Variants in RYR3 observed in about 807,000 individuals in gnomAD.
RYR3 encodes brain ryanodine receptor-calcium release channel.
A neutral mutation model predicts 584.3 loss-of-function variants in RYR3; 207 were observed. That is an observed-to-expected ratio of 0.35 (90% CI 0.32 to 0.40). The LOEUF (loss-of-function observed/expected upper bound fraction) is 0.40, where lower values mean the gene tolerates loss of function less well. Among genes scored for constraint, RYR3 ranks in the 10% least tolerant of loss-of-function variants. The pLI is 1.00. For synonymous variants in RYR3, 2,416 were observed against 2,248.5 expected (o/e 1.07, Z -2.11); for missense variants, 5,616 against 6,089.2 (o/e 0.92, Z 2.59).
At chr15:33,567,610 A>G (rs2057784272) in intron 12 of RYR3, among the ~76,000 whole-genome samples, 3 of 152,212 alleles carry the variant, frequency 2.0e-5, no homozygotes, top group Admixed American at 2.0e-4. Context: ...AATATAAAGT[A>G]GGTAGGTGGT....
chr15:33,322,730 T>A (rs1029777912), intron 1 of RYR3, among the ~76,000 whole-genome samples: 2 of 152,072 alleles, frequency 1.3e-5, no homozygotes, highest in Non-Finnish European at 1.5e-5. Context: ...CAACTTTTTT[T>A]CCACTGAATG....
intron 94 of RYR3, 73 bp from the exon 95 acceptor site, chr15:33,852,972 A>AGAT: frequency 7.5e-7 from 1 of 1,328,808 alleles, no homozygotes; most frequent in Non-Finnish European, 1.1e-6. Flanking sequence ...AGGCACTCAA[A>AGAT]CTGAAACGTT....
At chr15:33,854,484 C>A (rs757433632) in intron 97 of RYR3, 35 bp downstream of exon 97, 4 of 1,512,822 alleles carry the variant, frequency 2.6e-6, no homozygotes, top group East Asian at 4.8e-5. Flanking sequence ...AAATTCTATA[C>A]CCCAGTTCAG....
At chr15:33,559,480 C>T (rs368351561) in intron 10 of RYR3, among the ~76,000 whole-genome samples, 4 of 152,174 alleles carry the variant, frequency 2.6e-5, no homozygotes, top group East Asian at 1.9e-4. Context: ...AGACAAGGGG[C>T]AGAAGCAAGG....
chr15:33,813,415 T>C, intron 73 of RYR3, 52 bp from the exon 74 acceptor site: 1 of 1,503,102 alleles, frequency 6.7e-7, no homozygotes, highest in Non-Finnish European at 9.2e-7. Context: ...GACTAGCTTC[T>C]GCCACCAGAA....
At chr15:33,814,900 C>A (rs1342978082) in intron 74 of RYR3, among the ~76,000 whole-genome samples, 93 of 91,718 alleles carry the variant, frequency 1.0e-3, no homozygotes, top group Admixed American at 1.2e-3. Flanking sequence ...GACTCTGTCT[C>A]AAAAAAAAAA....
rs28621369 is a variant in RYR3, at chr15:33,821,262, C to T, written c.10816-8C>T. 6.3e-7 allele frequency: 1 copy of T among 1,576,578 alleles called. No homozygotes were observed. The highest frequency in any genetic ancestry group is 8.6e-7 in the Non-Finnish European group (1 of 1,159,238). ...CCAATCTTTCCCTGTGATTTTTTTT[C>T]CCCCCAGGAGAAAGAGATGGAGAAG... On this transcript the variant is annotated splice_polypyrimidine_tract_variant and splice_region_variant and intron_variant, in intron 78 of 103. Coordinates refer to ENST00000634891, the MANE Select transcript of RYR3 (RefSeq NM_001036.6).
At chr15:33,590,774 C>T (rs1172547335) in intron 16 of RYR3, among the ~76,000 whole-genome samples, 2 of 151,720 alleles carry the variant, frequency 1.3e-5, no homozygotes, top group East Asian at 3.9e-4. Context: ...TGACATTTTT[C>T]CTTTAAATAT....
intron 27 of RYR3, among the ~76,000 whole-genome samples, chr15:33,638,093 A>G (rs2061597157): frequency 6.6e-6 from 1 of 152,248 alleles, no homozygotes; most frequent in African/African-American, 2.4e-5. Flanking sequence ...TCCTAAAAAG[A>G]CAAATGACTA....
chr15:33,835,089 C>T lies in RYR3; in HGVS notation c.11568+17C>T, dbSNP rs1251476084. ...CTCTCTCAGGTACTGTGGCCCATTCCCTGCACGTGTCATTGTTGTGAAATG... is the reference window on the plus strand; with the variant it reads ...CTCTCTCAGGTACTGTGGCCCATTCTCTGCACGTGTCATTGTTGTGAAATG... On this transcript the variant is annotated intron_variant, in intron 87 of 103. Transcript: ENST00000634891. 1.3e-6 allele frequency: 2 copies of T among 1,561,786 alleles called. No homozygotes were observed. The highest frequency in any genetic ancestry group is 1.1e-5 in the South Asian group (1 of 89,812).
chr15:33,595,971 G>A (rs887285307), intron 16 of RYR3, among the ~76,000 whole-genome samples: 27 of 151,028 alleles, frequency 1.8e-4, no homozygotes, highest in Admixed American at 1.4e-3. Context: ...GATTTATTCT[G>A]AACATCCCTC....
intron 18 of RYR3, among the ~76,000 whole-genome samples, chr15:33,606,309 A>G (rs1420894258): frequency 2.6e-5 from 4 of 152,214 alleles, no homozygotes; most frequent in African/African-American, 9.6e-5. Context: ...GCTACCTTCC[A>G]TCGTCATCTA....
chr15:33,624,412 G>A (rs1369966391), intron 20 of RYR3, among the ~76,000 whole-genome samples: 1 of 152,196 alleles, frequency 6.6e-6, no homozygotes, highest in Non-Finnish European at 1.5e-5. Flanking sequence ...AATGTTTCTA[G>A]AAGTCTGTGT....
intron 2 of RYR3, among the ~76,000 whole-genome samples, chr15:33,486,968 C>T (rs990769900): frequency 6.6e-6 from 1 of 152,044 alleles, no homozygotes; most frequent in African/African-American, 2.4e-5. Context: ...GAGGCCGAGG[C>T]AGATGGATCA....
At chr15:33,696,834 A>G (rs2065892480) in intron 39 of RYR3, among the ~76,000 whole-genome samples, 1 of 152,152 alleles carries the variant, frequency 6.6e-6, no homozygotes, top group Admixed American at 6.5e-5. Flanking sequence ...TTGACTCGAA[A>G]TCTTCCGAAA....
intron 3 of RYR3, among the ~76,000 whole-genome samples, chr15:33,508,370 C>T (rs59760904): frequency 0.03 from 4,572 of 152,118 alleles, 248 homozygotes; most frequent in African/African-American, 0.1. Flanking sequence ...CTTGATTGGG[C>T]TGGGCGTGGT....
intron 12 of RYR3, among the ~76,000 whole-genome samples, chr15:33,569,253 T>G (rs2057889031): frequency 6.6e-6 from 1 of 152,208 alleles, no homozygotes; most frequent in East Asian, 1.9e-4. Flanking sequence ...TTTGTATAAC[T>G]TTTTGTTGTA....
At chr15:33,850,524 T>C (rs1374652243) in intron 94 of RYR3, 3 of 152,210 alleles carry the variant, frequency 2.0e-5, no homozygotes, top group Non-Finnish European at 4.4e-5. Context: ...AGGAAATGCA[T>C]AAATAAATAG....
chr15:33,771,204 A>G (rs1438814116), intron 62 of RYR3, among the ~76,000 whole-genome samples: 2 of 152,144 alleles, frequency 1.3e-5, no homozygotes, highest in African/African-American at 4.8e-5. Context: ...GAGGTCTTAC[A>G]TCGGAAGAGT....
Sources: allele counts gnomAD v4.1 joint callset (sites outside exome capture counted in the v4.1 genomes callset), GRCh38; gene constraint gnomAD v4.1.1; transcripts MANE v1.5; gene names NCBI Gene and HGNC (gene_info 2026-07-23, HGNC 2026-07-21).